DOCK8: variants seen among roughly 807,000 people sequenced by gnomAD.
DOCK8 encodes dedicator of cytokinesis 8.
DOCK8 carries 141 observed loss-of-function variants against 245.6 expected under a neutral mutation model. The observed-to-expected ratio is 0.57, with a 90% CI of 0.50 to 0.66. The LOEUF is 0.66. Ranked by LOEUF, DOCK8 falls within the 30% of genes least tolerant of loss-of-function variation. The probability of loss-of-function intolerance (pLI) is 0.00; values close to 1 mark genes in which losing one functional copy is unlikely to be tolerated. For missense variants in DOCK8, 2,965 were observed against 2,603.4 expected, an observed-to-expected ratio of 1.14 and a Z score of -3.02; for synonymous variants, 1,168 against 970.2, an observed-to-expected ratio of 1.20 and a Z score of -3.79.
intron 1 of DOCK8, among the ~76,000 whole-genome samples, chr9:231,904 G>A (rs1024973487): frequency 3.3e-5 from 5 of 152,196 alleles, no homozygotes; most frequent in South Asian, 4.1e-4. Flanking sequence ...TCTCCTGCCT[G>A]ATTGCCCTGG....
intron 1 of DOCK8, among the ~76,000 whole-genome samples, chr9:224,735 C>T (rs1187743149): frequency 1.3e-5 from 2 of 152,124 alleles, no homozygotes; most frequent in African/African-American, 4.8e-5. Context: ...TGTGGTTCCC[C>T]AGGAAGACAA....
At chr9:420,225 C>T (rs1401853137) in intron 30 of DOCK8, 176 bp from the exon 31 acceptor site, 5 of 718,768 alleles carry the variant, frequency 7.0e-6, no homozygotes, top group African/African-American at 1.7e-5. Context: ...ACACAGCTTC[C>T]CCTGCCTAGG....
chr9:263,165 C>T (rs994997926), intron 1 of DOCK8, among the ~76,000 whole-genome samples: 1 of 151,820 alleles, frequency 6.6e-6, no homozygotes. Flanking sequence ...TGGGATTGCA[C>T]CACTGCACTT....
intron 33 of DOCK8, among the ~76,000 whole-genome samples, chr9:425,088 T>A (rs1306535545): frequency 6.6e-6 from 1 of 152,262 alleles, no homozygotes; most frequent in South Asian, 2.1e-4. Context: ...TCTTTTAGGA[T>A]AAACAAAATA....
chr9:381,615 C>T (rs1259642929), intron 21 of DOCK8, among the ~76,000 whole-genome samples: 1 of 152,080 alleles, frequency 6.6e-6, no homozygotes, highest in East Asian at 1.9e-4. Flanking sequence ...TTGGTCTGTG[C>T]AGCCTCATTT....
intron 1 of DOCK8, among the ~76,000 whole-genome samples, chr9:232,235 A>G (rs1388071962): frequency 2.0e-5 from 3 of 152,206 alleles, no homozygotes; most frequent in Non-Finnish European, 2.9e-5. Context: ...CTTGCATCCC[A>G]GGGATGAAGC....
Position 289,535 on chromosome 9 carries a change from G to A in DOCK8, c.358G>A (p.Asp120Asn). ...EGVELDPHVR[D>N]CVQTYIREWL... ...GGTTGAACTGGACCCTCATGTCAGG[G>A]ACTGTGTTCAGACCTACATCCGTGA... The change falls in exon 4 of 48, where the codon GAC becomes AAC. Residue 120 changes from aspartate (D) to asparagine (N), a missense_variant. Physicochemically the swap from Asp to Asn is conservative, Grantham distance 23. Transcript: ENST00000432829. The A allele has an allele frequency of 1.2e-6, 2 of 1,613,568 alleles. No individual in the cohort carries two copies. The highest frequency in any genetic ancestry group is 1.3e-5 in the African/African-American group (1 of 74,984).
intron 21 of DOCK8, among the ~76,000 whole-genome samples, chr9:381,852 C>T (rs868173710): frequency 4.6e-5 from 7 of 151,506 alleles, no homozygotes; most frequent in East Asian, 1.9e-4. Context: ...CCCAGCTACT[C>T]GGGAAGCTGA....
chr9:420,034 G>A (rs902126577), intron 30 of DOCK8: 1 of 329,126 alleles, frequency 3.0e-6, no homozygotes, highest in Admixed American at 4.2e-5. Context: ...GAAATACTTG[G>A]AGATCTTAGC....
chr9:390,340 A>G (rs902511850), intron 23 of DOCK8, 131 bp from the exon 24 acceptor site: 8 of 835,530 alleles, frequency 9.6e-6, no homozygotes, highest in Non-Finnish European at 1.6e-5. Context: ...CTTACTGCCT[A>G]GAACATCTAA....
intron 1 of DOCK8, among the ~76,000 whole-genome samples, chr9:222,229 C>G (rs975077155): frequency 6.6e-6 from 1 of 151,870 alleles, no homozygotes; most frequent in Non-Finnish European, 1.5e-5. Flanking sequence ...CGCCACTACT[C>G]TCCAGCCTGG....
intron 23 of DOCK8, among the ~76,000 whole-genome samples, chr9:388,557 T>G (rs563180110): frequency 6.6e-6 from 1 of 151,900 alleles, no homozygotes; most frequent in African/African-American, 2.4e-5. Flanking sequence ...TGGGTAATTT[T>G]TTTTTTTTTT....
chr9:421,932 CTAAT>C, intron 32 of DOCK8, 112 bp from the exon 33 acceptor site: 1 of 923,832 alleles, frequency 1.1e-6, no homozygotes, highest in Non-Finnish European at 1.8e-6. Flanking sequence ...TGCATGGACT[CTAAT>C]TAGCCCGAGA....
chr9:436,704 T>G (rs955219), intron 39 of DOCK8, among the ~76,000 whole-genome samples: 20 of 151,830 alleles, frequency 1.3e-4, no homozygotes, highest in Non-Finnish European at 2.6e-4. Context: ...TCCACATTAT[T>G]CCGACATGGG....
chr9:246,725 G>A (rs562501909), intron 1 of DOCK8, among the ~76,000 whole-genome samples: 10 of 152,120 alleles, frequency 6.6e-5, no homozygotes, highest in African/African-American at 2.2e-4. Flanking sequence ...AGAGATTGTG[G>A]TCATGTAGTT....
intron 4 of DOCK8, among the ~76,000 whole-genome samples, chr9:295,200 C>G (rs1288203005): frequency 6.6e-6 from 1 of 151,644 alleles, no homozygotes; most frequent in Non-Finnish European, 1.5e-5. Flanking sequence ...AAAAAGATAA[C>G]TGCATGATTC....
At chr9:404,625 A>G (rs1185601473) in intron 26 of DOCK8, among the ~76,000 whole-genome samples, 1 of 152,222 alleles carries the variant, frequency 6.6e-6, no homozygotes, top group Non-Finnish European at 1.5e-5. Context: ...ATGTACCTCA[A>G]GATTTTCAGC....
At chr9:403,901 TATATATATATATATAC>T (rs1428317165) in intron 26 of DOCK8, among the ~76,000 whole-genome samples, 939 of 77,838 alleles carry the variant, frequency 0.012, 27 homozygotes, top group African/African-American at 0.072. Flanking sequence ...TCTATATATA[TATATATATATATATAC>T]ATATATATAT....
chr9:241,321 C>G (rs914464196), intron 1 of DOCK8, among the ~76,000 whole-genome samples: 1 of 152,114 alleles, frequency 6.6e-6, no homozygotes, highest in East Asian at 1.9e-4. Flanking sequence ...AGCACTAGAA[C>G]GTATTCCTCC....
Sources: gnomAD v4.1 joint callset for allele counts (sites outside exome capture counted in the v4.1 genomes callset) on GRCh38, gnomAD v4.1.1 for gene constraint, MANE v1.5 for transcripts, NCBI Gene and HGNC (gene_info 2026-07-23, HGNC 2026-07-21) for gene names.